Variants in GCH1 observed in about 807,000 individuals in gnomAD.
GCH1 encodes GTP cyclohydrolase I.
GCH1 carries 5 observed loss-of-function variants against 25.9 expected under a neutral mutation model. The ratio of observed to expected loss-of-function variants is 0.19; its 90% CI spans 0.10 to 0.41. GCH1 has a LOEUF of 0.41. Ranked by LOEUF, GCH1 falls within the 10% of genes least tolerant of loss-of-function variation. GCH1 has a pLI of 1.00. For missense variants in GCH1, 261 were observed against 336.5 expected (o/e 0.78, Z 1.75); for synonymous variants, 159 against 129.6 (o/e 1.23, Z -1.54).
intron 5 of GCH1, among the ~76,000 whole-genome samples, chr14:54,844,457 G>A (rs2039610503): frequency 6.6e-6 from 1 of 152,126 alleles, no homozygotes; most frequent in African/African-American, 2.4e-5. Flanking sequence ...TTTTCTTCTG[G>A]GGTGAAAGTA....
intron 1 of GCH1, among the ~76,000 whole-genome samples, chr14:54,870,581 G>C (rs2040058046): frequency 6.6e-6 from 1 of 152,214 alleles, no homozygotes; most frequent in South Asian, 2.1e-4. Flanking sequence ...CAAGGGGTCA[G>C]GGAATTCCCT....
At chr14:54,863,626 A>G (rs1177609240) in intron 2 of GCH1, among the ~76,000 whole-genome samples, 1 of 152,030 alleles carries the variant, frequency 6.6e-6, no homozygotes, top group Non-Finnish European at 1.5e-5. Context: ...ATGACAGGCA[A>G]TGACATCAAT....
At chr14:54,855,364 T>C (rs2039792764) in intron 3 of GCH1, among the ~76,000 whole-genome samples, 1 of 151,772 alleles carries the variant, frequency 6.6e-6, no homozygotes, top group South Asian at 2.1e-4. Flanking sequence ...AAATTAGCTA[T>C]GCGTGGTGGT....
chr14:54,897,903 G>A (rs577431242), intron 1 of GCH1, among the ~76,000 whole-genome samples: 1 of 152,322 alleles, frequency 6.6e-6, no homozygotes, highest in African/African-American at 2.4e-5. Flanking sequence ...AGAAACACCT[G>A]AGAAATGCAG....
At chr14:54,873,937 C>T (rs1298862623) in intron 1 of GCH1, among the ~76,000 whole-genome samples, 2 of 152,208 alleles carry the variant, frequency 1.3e-5, no homozygotes, top group African/African-American at 4.8e-5. Context: ...TGGTACCATT[C>T]CTTCTGAAAC....
chr14:54,850,817 G>T (rs1467315813), intron 3 of GCH1, among the ~76,000 whole-genome samples: 1 of 152,132 alleles, frequency 6.6e-6, no homozygotes, highest in African/African-American at 2.4e-5. Context: ...CTCATCTTTT[G>T]TTATGGCTGC....
chr14:54,902,703 G>A lies in GCH1; in HGVS notation c.-40C>T, dbSNP rs28458175. 13,568 of 1,411,542 alleles carry A rather than the reference G, an allele frequency of 9.6e-3. 1,148 individuals carry two copies. In the African/African-American group the frequency reaches 0.18, roughly 18 times the overall value. 87.4% of individuals were successfully genotyped at this position (1,411,542 alleles called of 1,614,324 possible). A position where few individuals can be genotyped will look rare whatever the true frequency, so the allele number is the denominator to read the frequency against. Reference sequence around the variant, plus strand: ...CGCTGCCGTTCGGGAAGGACCCCGGGGCGCTTCGAGGTCTGCGGCTAAACT... The same window carrying A: ...CGCTGCCGTTCGGGAAGGACCCCGGAGCGCTTCGAGGTCTGCGGCTAAACT... On this transcript the variant is annotated 5_prime_UTR_variant, in exon 1 of 6. Coordinates refer to ENST00000491895, the MANE Select transcript of GCH1 (RefSeq NM_000161.3).
intron 1 of GCH1, among the ~76,000 whole-genome samples, chr14:54,889,270 G>A (rs2040394962): frequency 6.6e-6 from 1 of 152,148 alleles, no homozygotes; most frequent in Non-Finnish European, 1.5e-5. Context: ...CTGAGTTAAG[G>A]CCTCTCATCT....
chr14:54,890,501 A>C (rs1419832980), intron 1 of GCH1, among the ~76,000 whole-genome samples: 2 of 152,214 alleles, frequency 1.3e-5, no homozygotes, highest in African/African-American at 4.8e-5. Context: ...TCCATCTCAA[A>C]AAATAAATAA....
At chr14:54,880,539 T>TATATATATATACTCC (rs1566676900) in intron 1 of GCH1, among the ~76,000 whole-genome samples, 1 of 69,168 alleles carries the variant, frequency 1.4e-5, no homozygotes, top group East Asian at 3.5e-4. Context: ...ATATACTCCA[T>TATATATATATACTCC]ATATATATAT....
chr14:54,862,379 C>CT (rs892910613), intron 2 of GCH1, among the ~76,000 whole-genome samples: 4,523 of 57,120 alleles, frequency 0.079, 86 homozygotes, highest in Non-Finnish European at 0.12. Context: ...AAGCACTACT[C>CT]TTTTTTTTTT....
intron 1 of GCH1, among the ~76,000 whole-genome samples, chr14:54,900,843 T>TCACACACA (rs1491121836): frequency 1.2e-4 from 10 of 84,646 alleles, no homozygotes; most frequent in Admixed American, 3.4e-4. Context: ...TTGTGAAATA[T>TCACACACA]CTCACACACA....
chr14:54,894,966 A>T (rs1319231568), intron 1 of GCH1, among the ~76,000 whole-genome samples: 6 of 152,188 alleles, frequency 3.9e-5, no homozygotes, highest in Admixed American at 3.9e-4. Context: ...TTCACCCATG[A>T]TATAGGAGAG....
chr14:54,874,971 G>A (rs1250359222), intron 1 of GCH1, among the ~76,000 whole-genome samples: 3 of 152,064 alleles, frequency 2.0e-5, no homozygotes, highest in East Asian at 1.9e-4. Flanking sequence ...GGAAAAAACT[G>A]CTTTAAAGTT....
At chr14:54,899,361 T>C (rs1437378773) in intron 1 of GCH1, among the ~76,000 whole-genome samples, 3 of 152,102 alleles carry the variant, frequency 2.0e-5, no homozygotes, top group African/African-American at 4.8e-5. Context: ...TTCAGGAGGC[T>C]GAGGTGGGAT....
chr14:54,901,000 G>A (rs1365908598), intron 1 of GCH1, among the ~76,000 whole-genome samples: 2 of 151,994 alleles, frequency 1.3e-5, no homozygotes, highest in Non-Finnish European at 2.9e-5. Flanking sequence ...TTGCAATTGA[G>A]GGGTAAAAAA....
At chr14:54,870,617 G>C (rs113864353) in intron 1 of GCH1, among the ~76,000 whole-genome samples, 7,183 of 152,302 alleles carry the variant, frequency 0.047, 268 homozygotes, top group Non-Finnish European at 0.073. Context: ...AGCGGTGACA[G>C]ATGGCACCTG....
intron 1 of GCH1, among the ~76,000 whole-genome samples, chr14:54,883,700 G>C (rs2040307339): frequency 6.6e-6 from 1 of 151,950 alleles, no homozygotes; most frequent in Non-Finnish European, 1.5e-5. Flanking sequence ...TAAATAAAAA[G>C]AAAAGAGAGA....
At chr14:54,860,499 C>T (rs2039879653) in intron 2 of GCH1, among the ~76,000 whole-genome samples, 2 of 150,906 alleles carry the variant, frequency 1.3e-5, no homozygotes, top group African/African-American at 2.4e-5. Context: ...TTGTGCTTGG[C>T]TTCCTGGTTT....
Sources: allele counts gnomAD v4.1 joint callset (sites outside exome capture counted in the v4.1 genomes callset), GRCh38; gene constraint gnomAD v4.1.1; transcripts MANE v1.5; gene names NCBI Gene and HGNC (gene_info 2026-07-23, HGNC 2026-07-21).